The following PCF11 variants were observed in gnomAD, a reference collection of about 807,000 sequenced individuals.
PCF11 encodes pre-mRNA cleavage complex 2 protein Pcf11.
A neutral mutation model predicts 166.1 loss-of-function variants in PCF11; 19 were observed. The observed-to-expected ratio is 0.11, with a 90% CI of 0.08 to 0.17. The LOEUF is 0.17. Among genes scored for constraint, PCF11 ranks in the 10% least tolerant of loss-of-function variants. PCF11 has a pLI of 1.00. For missense variants in PCF11, 1,565 were observed against 1,855.5 expected (o/e 0.84, Z 2.88); for synonymous variants, 663 against 644.1 (o/e 1.03, Z -0.44).
intron 2 of PCF11, 26 bp downstream of exon 2, chr11:83,161,478 C>A: frequency 1.3e-6 from 2 of 1,482,660 alleles, no homozygotes; most frequent in Non-Finnish European, 9.0e-7. Flanking sequence ...GAAACATTTG[C>A]GTTTTTTTTT....
chr11:83,173,219 G>A (rs191678071), intron 9 of PCF11, among the ~76,000 whole-genome samples: 1,676 of 152,302 alleles, frequency 0.011, 22 homozygotes, highest in African/African-American at 0.037. Context: ...CACTCTGGGA[G>A]GACGAGGCAG....
rs1406311386 is a variant in PCF11 at position 83,168,917 on chromosome 11, G to C, written c.2582G>C (p.Gly861Ala). 1.9e-6 allele frequency: 3 copies of C among 1,613,690 alleles called. No homozygotes were observed. The highest frequency in any genetic ancestry group is 1.7e-6 in the Non-Finnish European group (2 of 1,179,868). Residue 861 changes from glycine (G) to alanine (A), a missense_variant, in exon 8 of 16, where the codon GGT (glycine) becomes GCT (alanine). Gly to Ala is a moderately conservative substitution (Grantham distance 60, BLOSUM62 0). This residue lies in a region of PCF11 where 725 missense variants were observed against 749.3 expected (regional missense o/e 0.97). Transcript: ENST00000298281. ...GGTCTGAGGTTTGAGGGATCTCCAG[G>C]TGGTTTGAGATTTGAGGGACCAGGA... is the stretch of plus-strand genomic sequence containing the variant.
At chr11:83,184,774 A>G (rs1429243580) in exon 16 of PCF11, 1 of 1,611,960 alleles carries the variant, frequency 6.2e-7, no homozygotes, top group African/African-American at 1.3e-5. Flanking sequence ...AATTGCAGGA[A>G]CCCTGTGACA....
chr11:83,176,865 AAG>A (rs759302057), intron 9 of PCF11, among the ~76,000 whole-genome samples: 9 of 152,184 alleles, frequency 5.9e-5, no homozygotes, highest in Non-Finnish European at 1.0e-4. Flanking sequence ...AGAAGGAAAA[AAG>A]AATATATTCT....
chr11:83,165,470 T>C (rs1021041511), intron 4 of PCF11, 130 bp from the exon 5 acceptor site: 2 of 617,004 alleles, frequency 3.2e-6, no homozygotes, highest in South Asian at 5.3e-5. Flanking sequence ...ACATTATAAG[T>C]GTACAATTTA....
chr11:83,168,300 C>G (rs1860544451), intron 7 of PCF11, 128 bp from the exon 8 acceptor site: 1 of 879,968 alleles, frequency 1.1e-6, no homozygotes, highest in East Asian at 2.7e-5. Flanking sequence ...TTATCTGCTG[C>G]TTTACGCTGT....
Position 83,167,463 on chromosome 11 carries a change from G to C in PCF11, c.2050G>C (p.Val684Leu), listed in dbSNP as rs373504788. 1.2e-6 allele frequency: 2 copies of C among 1,611,068 alleles called. No individual in the cohort carries two copies. Among genetic ancestry groups the C allele is most frequent in the East Asian group, 2.2e-5 (1 of 44,856 alleles). ...TGAAATTACACAGGATGACTTCCTTGTTGTTGTGCATCAAATTCGACAGCT... is the reference window on the plus strand; with the variant it reads ...TGAAATTACACAGGATGACTTCCTTCTTGTTGTGCATCAAATTCGACAGCT... Residue 684 changes from valine to leucine, a missense_variant, in exon 7 of 16, where the codon GTT becomes CTT. Around this residue, in one of 12 missense-constraint regions of PCF11, gnomAD observed 26 missense variants for 63.3 expected, o/e 0.41. Coordinates refer to ENST00000298281, the Ensembl canonical transcript of PCF11. The surrounding 1 kb of genome is among the most constrained non-coding windows in gnomAD (Gnocchi z 4.2).
rs1023056923 is a variant in PCF11 at position 83,168,831 on chromosome 11, G to A, written c.2496G>A (p.Leu832=). 13 of 1,613,782 alleles carry A rather than the reference G, an allele frequency of 8.1e-6. No homozygotes were observed. The East Asian group carries it at 1.8e-4, about 22-fold the overall frequency. Residue 832 remains leucine, a synonymous_variant, in exon 8 of 16, where the codon CTG becomes CTA. Transcript: ENST00000298281. Reference sequence around the variant, plus strand: ...CTCCAGGACCAGTGGGGACACCTCTGCGGTTTGAGGGCCCAATTGGTCAAG... The same window carrying A: ...CTCCAGGACCAGTGGGGACACCTCTACGGTTTGAGGGCCCAATTGGTCAAG...
exon 8 of PCF11, chr11:83,169,245 G>A: frequency 6.2e-7 from 1 of 1,613,762 alleles, no homozygotes; most frequent in South Asian, 1.1e-5. Flanking sequence ...TGAGATTTGA[G>A]GGACAACATA....
At chr11:83,168,457 A>G in exon 8 of PCF11, 1 of 1,607,330 alleles carries the variant, frequency 6.2e-7, no homozygotes, top group Non-Finnish European at 8.5e-7. Context: ...ATCTCCATTC[A>G]ATGATCGTTT....
exon 11 of PCF11, chr11:83,177,758 G>C: frequency 6.5e-7 from 1 of 1,544,716 alleles, no homozygotes; most frequent in Non-Finnish European, 8.8e-7. Flanking sequence ...AGAGGAGGAA[G>C]ATCAAAATGA....
chr11:83,179,720 A>G (rs1349502361), intron 11 of PCF11, among the ~76,000 whole-genome samples: 3 of 152,030 alleles, frequency 2.0e-5, no homozygotes, highest in Admixed American at 1.3e-4. Context: ...CTTGGCCAAC[A>G]TGGTAACATG....
exon 2 of PCF11, chr11:83,161,350 T>C (rs1860246232): frequency 3.8e-6 from 6 of 1,599,652 alleles, no homozygotes; most frequent in South Asian, 2.3e-5. Context: ...AGAAGCTTCC[T>C]GTTATGTACC....
exon 8 of PCF11, chr11:83,169,101 T>G (rs541249359): frequency 3.7e-6 from 6 of 1,613,484 alleles, no homozygotes; most frequent in Non-Finnish European, 4.2e-6. Context: ...GGGGTCATGG[T>G]CCATCAGGGG....
chr11:83,157,819 G>A (rs1341821143), intron 1 of PCF11, 188 bp downstream of exon 1: 1 of 608,128 alleles, frequency 1.6e-6, no homozygotes, highest in Admixed American at 3.0e-5. Flanking sequence ...GGGAGGGAGT[G>A]GGGAGGATAA....
At chr11:83,158,568 A>C (rs1860099056) in intron 1 of PCF11, 1 of 152,220 alleles carries the variant, frequency 6.6e-6, no homozygotes, top group South Asian at 2.1e-4. Flanking sequence ...TGGGAGCGAT[A>C]TGTCATTTAA....
intron 11 of PCF11, among the ~76,000 whole-genome samples, chr11:83,178,244 T>C (rs1344905535): frequency 6.6e-6 from 1 of 151,960 alleles, no homozygotes; most frequent in African/African-American, 2.4e-5. Context: ...AGTCTCGAAC[T>C]CCTAACCTCC....
At chr11:83,168,459 T>C in exon 8 of PCF11, 3 of 1,607,584 alleles carry the variant, frequency 1.9e-6, no homozygotes. Context: ...CTCCATTCAA[T>C]GATCGTTTTC....
Position 83,169,245 on chromosome 11 carries a change from G to T in PCF11, c.2910G>T (p.Glu970Asp), listed in dbSNP as rs372316535. Reference sequence around the variant, plus strand: ...AGTCAGTAGCTGGTCTGAGATTTGAGGGACAACATAATCAACTTGGTGGGA... The same window carrying T: ...AGTCAGTAGCTGGTCTGAGATTTGATGGACAACATAATCAACTTGGTGGGA... The change falls in exon 8 of 16, where the codon GAG (glutamate) becomes GAT (aspartate). Residue 970 changes from glutamate (E) to aspartate (D), a missense_variant. This residue lies in a region of PCF11 where 725 missense variants were observed against 749.3 expected (regional missense o/e 0.97). Transcript: ENST00000298281. The T allele has an allele frequency of 3.1e-6, 5 of 1,613,642 alleles. No homozygotes were observed. In the African/African-American group the frequency reaches 4.0e-5, roughly 13 times the overall value.
Sources: allele counts gnomAD v4.1 joint callset (sites outside exome capture counted in the v4.1 genomes callset), GRCh38; gene constraint gnomAD v4.1.1; regional missense constraint gnomAD v4.1.1; non-coding constraint Gnocchi (gnomAD v3.1); transcripts MANE v1.5; gene names NCBI Gene and HGNC (gene_info 2026-07-23, HGNC 2026-07-21).